The following STEAP3 variants were observed in gnomAD, a reference collection of about 807,000 sequenced individuals.
The protein encoded by STEAP3 is metalloreductase STEAP3.
STEAP3 carries 35 observed loss-of-function variants against 34.9 expected under a neutral mutation model. The ratio of observed to expected loss-of-function variants is 1.00; its 90% CI spans 0.76 to 1.33. STEAP3 has a LOEUF of 1.33. STEAP3 is among the 40% of genes most tolerant of loss of function. The probability of loss-of-function intolerance (pLI) is 0.00; values close to 1 mark genes in which losing one functional copy is unlikely to be tolerated. For synonymous variants in STEAP3, 281 were observed against 301.6 expected (o/e 0.93, Z 0.71); for missense variants, 652 against 667.6 (o/e 0.98, Z 0.26).
At chr2:119,236,704 C>T (rs1228089267) in intron 2 of STEAP3, among the ~76,000 whole-genome samples, 2 of 152,318 alleles carry the variant, frequency 1.3e-5, no homozygotes, top group Admixed American at 6.5e-5. Context: ...ATGTTTCCAC[C>T]TGCACATCCT....
At position 119,245,734 on chromosome 2, in the gene STEAP3, G is replaced by A; in HGVS notation, c.268G>A (p.Ala90Thr). The part of the protein sequence containing the change: ...SAAQVTFQEE[A>T]VSSPEVIFVA... Reference sequence around the variant, plus strand: ...GGCCCAAGTGACTTTCCAAGAGGAGGCAGTGAGCTCCCCGGAGGTCATCTT... The same window carrying A: ...GGCCCAAGTGACTTTCCAAGAGGAGACAGTGAGCTCCCCGGAGGTCATCTT... The change falls in exon 3 of 6, where the codon GCA (alanine) becomes ACA (threonine). Residue 90 changes from alanine to threonine, a missense_variant. Physicochemically the swap from Ala to Thr is moderately conservative, Grantham distance 58. Transcript: ENST00000393110. 3 of 1,614,226 alleles carry A rather than the reference G, an allele frequency of 1.9e-6. No homozygotes were observed. Among genetic ancestry groups the A allele is most frequent in the Non-Finnish European group, 2.5e-6 (3 of 1,180,030 alleles).
Position 119,230,845 on chromosome 2 carries a change from G to A in STEAP3, c.-168G>A. 1 of 819,744 alleles carries A rather than the reference G, an allele frequency of 1.2e-6. No homozygotes were observed. The highest frequency in any genetic ancestry group is 2.1e-5 in the Admixed American group (1 of 48,744). 50.8% of individuals were successfully genotyped at this position (819,744 alleles called of 1,614,324 possible). ...GCCAAGAGCTGGCGTGCAGGCTGCG[G>A]GAGGCAGCTGGCTGTGCAAGACCCT... On this transcript the variant is annotated 5_prime_UTR_variant, in exon 2 of 6. Transcript: ENST00000393110.
chr2:119,263,114 T>C lies in STEAP3; in HGVS notation c.1273T>C (p.Trp425Arg), dbSNP rs549220081. ...LSTLHTLTYG[W>R]TRAFEESRYK... ...CACACTGCACACGCTCACCTACGGC[T>C]GGACCCGCGCCTTCGAGGAGAGCCG... The change falls in exon 6 of 6, where the codon TGG (tryptophan) becomes CGG (arginine). Residue 425 changes from tryptophan (W) to arginine (R), a missense_variant. Trp to Arg is a moderately radical substitution (Grantham distance 101). Transcript: ENST00000393110. 16 of 1,612,782 alleles carry C rather than the reference T, an allele frequency of 9.9e-6. No homozygotes were observed. Among genetic ancestry groups the C allele is most frequent in the Middle Eastern group, 1.7e-4 (1 of 5,896 alleles).
At position 119,265,313 on chromosome 2, in the gene STEAP3, A is replaced by G. The variant is rs1251204926; in HGVS notation, c.*1975A>G. 1 of 152,218 alleles carries G rather than the reference A, an allele frequency of 6.6e-6. No individual in the cohort carries two copies. The highest frequency in any genetic ancestry group is 1.5e-5 in the Non-Finnish European group (1 of 68,078). 9.4% of individuals were successfully genotyped at this position (152,218 alleles called of 1,614,324 possible). On this transcript the variant is annotated 3_prime_UTR_variant, in exon 6 of 6. Coordinates refer to ENST00000393110, the MANE Select transcript of STEAP3 (RefSeq NM_182915.3). ...GAAGGTGCTCAAGAGGGAAGCAATTATAAGGTGGGTGGCAGGAGGGAACAG... is the reference window on the plus strand; with the variant it reads ...GAAGGTGCTCAAGAGGGAAGCAATTGTAAGGTGGGTGGCAGGAGGGAACAG...
intron 5 of STEAP3, among the ~76,000 whole-genome samples, chr2:119,259,673 G>A (rs1573582687): frequency 6.6e-6 from 1 of 152,202 alleles, no homozygotes. Context: ...TCAGGGGCTG[G>A]GGACAGTGGC....
chr2:119,254,619 T>A, intron 4 of STEAP3, 65 bp from the exon 5 acceptor site: 2 of 1,593,742 alleles, frequency 1.3e-6, no homozygotes, highest in Non-Finnish European at 1.7e-6. Flanking sequence ...GTGTCCTTCA[T>A]CATTGCCCTC....
intron 2 of STEAP3, among the ~76,000 whole-genome samples, chr2:119,236,184 A>G (rs933150637): frequency 2.0e-5 from 3 of 152,246 alleles, no homozygotes; most frequent in African/African-American, 7.2e-5. Context: ...TGCTTTACCC[A>G]GACAAAAAGA....
rs577901873 is a variant in STEAP3, at chr2:119,230,788, C to T, written c.-225C>T. On this transcript the variant is annotated 5_prime_UTR_variant, in exon 2 of 6. Transcript: ENST00000393110. ...TCTCTCAGTGCACTCTCCAACCAAG[C>T]ATCAGTCACCACTCCCGGTCCAGCC... 2.7e-5 allele frequency: 17 copies of T among 619,586 alleles called. No homozygotes were observed. The highest frequency in any genetic ancestry group is 5.5e-5 in the East Asian group (2 of 36,060). 38.4% of individuals were successfully genotyped at this position (619,586 alleles called of 1,614,324 possible). A position where few individuals can be genotyped will look rare whatever the true frequency, so the allele number is the denominator to read the frequency against.
intron 5 of STEAP3, among the ~76,000 whole-genome samples, chr2:119,259,724 G>A (rs1207872863): frequency 2.6e-5 from 4 of 152,236 alleles, no homozygotes; most frequent in African/African-American, 9.6e-5. Context: ...CATGTCACCC[G>A]AGGGAGATGC....
intron 1 of STEAP3, among the ~76,000 whole-genome samples, chr2:119,227,691 G>A (rs1343932767): frequency 5.9e-5 from 9 of 152,130 alleles, no homozygotes; most frequent in Non-Finnish European, 7.3e-5. Flanking sequence ...ATTTGGGGTC[G>A]GTGAATGGGC....
chr2:119,261,958 G>T (rs975225256), intron 5 of STEAP3, among the ~76,000 whole-genome samples: 1 of 152,146 alleles, frequency 6.6e-6, no homozygotes, highest in Non-Finnish European at 1.5e-5. Context: ...TTCTCCCAAC[G>T]GTCACTAATC....
Position 119,265,535 on chromosome 2 carries a change from A to T in STEAP3, c.*2197A>T, listed in dbSNP as rs1052750096. The T allele has an allele frequency of 6.6e-6, 1 of 151,966 alleles. No individual in the cohort carries two copies. Among genetic ancestry groups the T allele is most frequent in the Non-Finnish European group, 1.5e-5 (1 of 68,016 alleles). 9.4% of individuals were successfully genotyped at this position (151,966 alleles called of 1,614,324 possible). A position where few individuals can be genotyped will look rare whatever the true frequency, so the allele number is the denominator to read the frequency against. ...CAACGACATGCTCTGGAAATCCCAA[A>T]TGCCACAGTCTGAGGTTGATATCTA... On this transcript the variant is annotated 3_prime_UTR_variant, in exon 6 of 6. Transcript: ENST00000393110.
intron 5 of STEAP3, among the ~76,000 whole-genome samples, chr2:119,261,446 C>T (rs1363417167): frequency 2.6e-5 from 4 of 151,972 alleles, no homozygotes; most frequent in Admixed American, 6.6e-5. Context: ...GTGTAATAGA[C>T]GTGGGAGGTC....
intron 1 of STEAP3, among the ~76,000 whole-genome samples, chr2:119,226,478 T>C (rs1050831849): frequency 3.9e-5 from 6 of 152,036 alleles, no homozygotes; most frequent in African/African-American, 1.4e-4. Context: ...CCTCTAGGAG[T>C]TGGAAGGGTG....
chr2:119,241,313 GC>G (rs1482255132), intron 2 of STEAP3, among the ~76,000 whole-genome samples: 1 of 152,126 alleles, frequency 6.6e-6, no homozygotes, highest in East Asian at 1.9e-4. Context: ...CCCACCCACA[GC>G]CCGTGCCTTT....
intron 4 of STEAP3, among the ~76,000 whole-genome samples, chr2:119,251,890 T>A (rs1573570794): frequency 6.6e-6 from 1 of 152,138 alleles, no homozygotes; most frequent in African/African-American, 2.4e-5. Context: ...TCCCCTTACT[T>A]CCCCATACCT....
At position 119,245,817 on chromosome 2, in the gene STEAP3, G is replaced by A. The variant is rs374403064; in HGVS notation, c.351G>A (p.Ala117=). ...TGTGCAGTCTCAGTGACCAGCTGGC[G>A]GGCAAGATCCTGGTGGATGTGAGCA... ...SSLCSLSDQL[A]GKILVDVSNP... The change falls in exon 3 of 6, where the codon GCG becomes GCA. Residue 117 remains alanine (A), a synonymous_variant. Transcript: ENST00000393110. 160 of 1,614,204 alleles carry A rather than the reference G, an allele frequency of 9.9e-5. No individual in the cohort carries two copies. In the Middle Eastern group the frequency reaches 1.3e-3, roughly 13 times the overall value.
rs748236640 is a variant in STEAP3 at position 119,263,317 on chromosome 2, C to T, written c.1476C>T (p.Ala492=). 8 of 1,612,876 alleles carry T rather than the reference C, an allele frequency of 5.0e-6. No individual in the cohort carries two copies. Among genetic ancestry groups the T allele is most frequent in the South Asian group, 1.1e-5 (1 of 90,920 alleles). The change falls in exon 6 of 6, where the codon GCC becomes GCT. Residue 492 remains alanine, a synonymous_variant. Coordinates refer to ENST00000393110, the MANE Select transcript of STEAP3 (RefSeq NM_182915.3). ...CGCTGCCCACAGACCACGCCCTGGC[C>T]GAGAAGACGAGCCACGTATGAGGTG... ...KFTLPTDHAL[A]EKTSHV
chr2:119,226,477 G>T (rs965587917), intron 1 of STEAP3, among the ~76,000 whole-genome samples: 1 of 152,148 alleles, frequency 6.6e-6, no homozygotes, highest in Admixed American at 6.5e-5. Flanking sequence ...CCCTCTAGGA[G>T]TTGGAAGGGT....
Sources: allele counts gnomAD v4.1 joint callset (sites outside exome capture counted in the v4.1 genomes callset), GRCh38; gene constraint gnomAD v4.1.1; transcripts MANE v1.5; gene names NCBI Gene and HGNC (gene_info 2026-07-23, HGNC 2026-07-21).